Variants in ABL2 observed in about 807,000 individuals in gnomAD.
The protein encoded by ABL2 is tyrosine-protein kinase ABL2.
A neutral mutation model predicts 107.7 loss-of-function variants in ABL2; 49 were observed. The ratio of observed to expected loss-of-function variants is 0.45; its 90% CI spans 0.36 to 0.58. The LOEUF (loss-of-function observed/expected upper bound fraction) is 0.58. Among genes scored for constraint, ABL2 ranks in the 20% least tolerant of loss-of-function variants. ABL2 has a pLI of 0.00. For missense variants in ABL2, 1,245 were observed against 1,457.0 expected, an observed-to-expected ratio of 0.85 and a Z score of 2.37; for synonymous variants, 549 against 548.6, an observed-to-expected ratio of 1.00 and a Z score of -0.01.
chr1:179,211,812 A>G (rs1465922354), intron 1 of ABL2, among the ~76,000 whole-genome samples: 2 of 151,462 alleles, frequency 1.3e-5, no homozygotes, highest in South Asian at 4.1e-4. Flanking sequence ...AAAAATTTAA[A>G]TAACTGTTTA....
intron 1 of ABL2, chr1:179,221,156 C>T (rs571006404): frequency 3.8e-5 from 9 of 239,606 alleles, no homozygotes; most frequent in Non-Finnish European, 6.9e-5. Flanking sequence ...GTCTTGATGG[C>T]GATATGAGGT....
At chr1:179,174,565 T>C (rs754852618) in intron 1 of ABL2, among the ~76,000 whole-genome samples, 1 of 152,114 alleles carries the variant, frequency 6.6e-6, no homozygotes, top group East Asian at 1.9e-4. Flanking sequence ...TATATATGTA[T>C]GTATGTATAT....
chr1:179,207,824 C>T (rs1662063135), intron 1 of ABL2, among the ~76,000 whole-genome samples: 1 of 152,236 alleles, frequency 6.6e-6, no homozygotes, highest in Admixed American at 6.5e-5. Flanking sequence ...GAGTCCATGC[C>T]ATTAACAGCA....
rs905020215 is a variant in ABL2 at position 179,107,147 on chromosome 1, A to G, written c.*571T>C. The G allele has an allele frequency of 3.9e-5, 9 of 232,154 alleles. No individual in the cohort carries two copies. The South Asian group carries it at 9.0e-4, about 23-fold the overall frequency. 14.4% of individuals were successfully genotyped at this position (232,154 alleles called of 1,614,324 possible). ...AGGACAGAGGCATTCAGATAGGGCC[A>G]TATTTCCCAGTTTTATGTTGTAGCA... On this transcript the variant is annotated 3_prime_UTR_variant, in exon 12 of 12. Transcript: ENST00000502732.
In ABL2 at chr1:179,229,575, TC is replaced by T; in HGVS notation, c.-179del. ...TCCTCACGGCAGCCGCCGCGCTGCC[TC>T]CAGGCGACTCACAGATTCTGCTTTT... On this transcript the variant is annotated 5_prime_UTR_variant, in exon 1 of 12. Transcript: ENST00000502732. 1.7e-6 allele frequency: 1 copy of T among 589,790 alleles called. No individual in the cohort carries two copies. Among genetic ancestry groups the T allele is most frequent in the Non-Finnish European group, 2.7e-6 (1 of 368,412 alleles). 36.5% of individuals were successfully genotyped at this position (589,790 alleles called of 1,614,324 possible). A position where few individuals can be genotyped will look rare whatever the true frequency, so the allele number is the denominator to read the frequency against.
intron 1 of ABL2, among the ~76,000 whole-genome samples, chr1:179,188,340 G>T (rs927129843): frequency 3.3e-5 from 5 of 152,108 alleles, no homozygotes; most frequent in African/African-American, 1.2e-4. Flanking sequence ...GCAGGAGTTG[G>T]AGATGAGCCT....
intron 1 of ABL2, among the ~76,000 whole-genome samples, chr1:179,188,363 G>A (rs940735407): frequency 3.3e-5 from 5 of 151,704 alleles, no homozygotes; most frequent in African/African-American, 4.8e-5. Context: ...CCAATATGGC[G>A]AAACCCTATC....
At chr1:179,224,908 C>A (rs1663108231) in intron 1 of ABL2, among the ~76,000 whole-genome samples, 2 of 151,614 alleles carry the variant, frequency 1.3e-5, no homozygotes, top group South Asian at 4.2e-4. Context: ...TGCCTGTAGT[C>A]TCAGCTCCTC....
In ABL2 at chr1:179,108,346, C is replaced by G. The variant is rs770065300; in HGVS notation, c.2921G>C (p.Arg974Pro). 6.2e-7 allele frequency: 1 copy of G among 1,614,214 alleles called. No homozygotes were observed. The highest frequency in any genetic ancestry group is 8.5e-7 in the Non-Finnish European group (1 of 1,180,050). ...HQVTSSGDKD[R>P]PRRVKPKCAP... The stretch of plus-strand genomic sequence containing the variant: ...ACACTTTGGTTTTACCCGTCGGGGT[C>G]GGTCCTTGTCTCCAGAGGATGTGAC... The change falls in exon 12 of 12, where the codon CGA becomes CCA. Residue 974 changes from arginine (R) to proline (P), a missense_variant. Coordinates refer to ENST00000502732, the MANE Select transcript of ABL2 (RefSeq NM_007314.4).
intron 1 of ABL2, among the ~76,000 whole-genome samples, chr1:179,149,764 C>G (rs1658249614): frequency 6.6e-6 from 1 of 152,202 alleles, no homozygotes; most frequent in African/African-American, 2.4e-5. Flanking sequence ...TTTAAGCCCA[C>G]TGTTGAGACC....
chr1:179,212,700 T>C (rs1662340963), intron 1 of ABL2, among the ~76,000 whole-genome samples: 1 of 149,854 alleles, frequency 6.7e-6, no homozygotes, highest in Non-Finnish European at 1.5e-5. Context: ...GCCATTGCAC[T>C]CCAGCCTGAG....
intron 1 of ABL2, chr1:179,201,868 A>G: frequency 1.5e-6 from 2 of 1,362,116 alleles, no homozygotes; most frequent in Non-Finnish European, 1.9e-6. Flanking sequence ...TGAGACATCA[A>G]GACCCTCTAC....
intron 1 of ABL2, among the ~76,000 whole-genome samples, chr1:179,223,788 GT>G (rs1663015449): frequency 6.6e-6 from 1 of 151,818 alleles, no homozygotes; most frequent in Non-Finnish European, 1.5e-5. Context: ...CCATAGCATC[GT>G]TTTCAACCTG....
At chr1:179,169,729 A>T (rs1571239700) in intron 1 of ABL2, among the ~76,000 whole-genome samples, 1 of 152,214 alleles carries the variant, frequency 6.6e-6, no homozygotes, top group African/African-American at 2.4e-5. Context: ...CAATAACATA[A>T]TGCCACAGAT....
At chr1:179,184,233 G>A (rs952677108) in intron 1 of ABL2, 7 of 516,232 alleles carry the variant, frequency 1.4e-5, no homozygotes, top group East Asian at 3.9e-5. Context: ...TACTAAGTCA[G>A]GTTACAGAAT....
intron 4 of ABL2, among the ~76,000 whole-genome samples, chr1:179,122,552 ATC>A (rs1489172244): frequency 1.3e-5 from 2 of 152,056 alleles, no homozygotes; most frequent in Non-Finnish European, 2.9e-5. Flanking sequence ...ACCTTCCAAG[ATC>A]TCTCTCTGGA....
chr1:179,118,572 G>C lies in ABL2; in HGVS notation c.1223+15C>G, dbSNP rs748533513. The C allele has an allele frequency of 6.2e-7, 1 of 1,602,750 alleles. No individual in the cohort carries two copies. The highest frequency in any genetic ancestry group is 1.3e-5 in the African/African-American group (1 of 74,582). On this transcript the variant is annotated intron_variant, in intron 7 of 11. Transcript: ENST00000502732. ...AAGATGGCTTCATGGTTGGTCAGAG[G>C]TAAGTTTTACACACCTATGGATGAA... is the stretch of plus-strand genomic sequence containing the variant.
rs192732952 is a variant in ABL2, at chr1:179,102,580, T to C, written c.*5138A>G. ...ATAGCAGATCCTTAGGGCACAGAGA[T>C]GAACCCCAAATCCAGGTGGAACAAT... On this transcript the variant is annotated 3_prime_UTR_variant, in exon 12 of 12. Transcript: ENST00000502732. 3.1e-4 allele frequency: 70 copies of C among 227,874 alleles called. No individual in the cohort carries two copies. The highest frequency in any genetic ancestry group is 1.0e-4 in the Non-Finnish European group (12 of 114,670). 14.1% of individuals were successfully genotyped at this position (227,874 alleles called of 1,614,324 possible).
Position 179,154,902 on chromosome 1 carries a change from T to C in ABL2, c.158-21528A>G, listed in dbSNP as rs201310498. On this transcript the variant is annotated intron_variant, in intron 1 of 11. Coordinates refer to ENST00000502732, the MANE Select transcript of ABL2 (RefSeq NM_007314.4). ...GACAGTATGATCACGGATTTTCCTCTGTATTTAATCACTGTACCTTGCACA... is the reference window on the plus strand; with the variant it reads ...GACAGTATGATCACGGATTTTCCTCCGTATTTAATCACTGTACCTTGCACA... Among the ~76,000 whole-genome samples the C allele has an allele frequency of 2.6e-4, 39 of 152,354 alleles. No individual in the cohort carries two copies. In the East Asian group the frequency reaches 7.3e-3, roughly 29 times the overall value.
Sources: allele counts gnomAD v4.1 joint callset (sites outside exome capture counted in the v4.1 genomes callset), GRCh38; gene constraint gnomAD v4.1.1; transcripts MANE v1.5; gene names NCBI Gene and HGNC (gene_info 2026-07-23, HGNC 2026-07-21).